Variants in C2CD5 observed in about 807,000 individuals in gnomAD.
C2CD5 encodes the protein C2 calcium dependent domain containing 5.
C2CD5 carries 109 observed loss-of-function variants against 130.3 expected under a neutral mutation model. The observed-to-expected ratio is 0.84, with a 90% CI of 0.72 to 0.98. C2CD5 has a LOEUF of 0.98. Ranked by LOEUF, C2CD5 falls within the 50% of genes least tolerant of loss-of-function variation. C2CD5 has a pLI of 0.00. For missense variants in C2CD5, 996 were observed against 1,261.8 expected (o/e 0.79, Z 3.19); for synonymous variants, 454 against 429.2 (o/e 1.06, Z -0.71).
chr12:22,493,234 T>C lies in C2CD5; in HGVS notation c.1251A>G (p.Ser417=), dbSNP rs1170050101. The C allele has an allele frequency of 4.4e-6, 7 of 1,576,924 alleles. No individual in the cohort carries two copies. Among genetic ancestry groups the C allele is most frequent in the African/African-American group, 2.7e-5 (2 of 74,142 alleles). Residue 417 remains serine, a synonymous_variant, in exon 11 of 27, where the codon TCA becomes TCG. Coordinates refer to ENST00000446597, the MANE Select transcript of C2CD5 (RefSeq NM_001286176.2). ...TTATTATCATTTACCAGATGCTAGTTGATTCACTGTAGCCCACTACAGCAT... is the reference window on the plus strand; with the variant it reads ...TTATTATCATTTACCAGATGCTAGTCGATTCACTGTAGCCCACTACAGCAT... ...GCHAVVGYSE[S]TSICEEVCIL...
At chr12:22,497,011 T>C (rs530738998) in intron 10 of C2CD5, among the ~76,000 whole-genome samples, 1 of 152,220 alleles carries the variant, frequency 6.6e-6, no homozygotes, top group South Asian at 2.1e-4. Flanking sequence ...GCAGTTTATA[T>C]ATCAGAAAAT....
At position 22,498,003 on chromosome 12, in the gene C2CD5, G is replaced by A. The variant is rs181913369; in HGVS notation, c.1148-4666C>T. Among the ~76,000 whole-genome samples, 36 of 150,892 alleles carry A rather than the reference G, an allele frequency of 2.4e-4. No homozygotes were observed. In the East Asian group the frequency reaches 6.8e-3, roughly 29 times the overall value. On this transcript the variant is annotated intron_variant, in intron 10 of 26. Coordinates refer to ENST00000446597, the MANE Select transcript of C2CD5 (RefSeq NM_001286176.2). ...TAATATAGAAAAGCTCACATATCAC[G>A]CATGCTGTATTTATGCCATCTTGCA...
In C2CD5 at chr12:22,479,368, C is replaced by G. The variant is rs1425932496; in HGVS notation, c.1738-891G>C. 2.0e-5 allele frequency among the ~76,000 whole-genome samples: 3 copies of G among 151,650 alleles called. No individual in the cohort carries two copies. The East Asian group carries it at 5.8e-4, about 29-fold the overall frequency. On this transcript the variant is annotated intron_variant, in intron 14 of 26. Transcript: ENST00000446597. ...GGATTACGGGCCTGAGTCACTGGGC[C>G]CGGACCTACCTCATAATTTAAAAAA...
At chr12:22,493,159 T>C in intron 11 of C2CD5, 64 bp downstream of exon 11, 3 of 899,230 alleles carry the variant, frequency 3.3e-6, no homozygotes, top group Non-Finnish European at 5.3e-6. Flanking sequence ...TGCATGAAGC[T>C]TTTCCCCTTT....
chr12:22,505,297 G>A (rs1302599404), intron 10 of C2CD5, among the ~76,000 whole-genome samples: 3 of 124,890 alleles, frequency 2.4e-5, no homozygotes, highest in Non-Finnish European at 4.7e-5. Context: ...CGCTCTTGTC[G>A]CCCAGGCTGG....
rs189766774 is a variant in C2CD5 at position 22,536,334 on chromosome 12, C to T, written c.91-990G>A. Among the ~76,000 whole-genome samples the T allele has an allele frequency of 6.6e-3, 997 of 152,186 alleles. 9 individuals are homozygous for T. The highest frequency in any genetic ancestry group is 0.023 in the African/African-American group (956 of 41,512). On this transcript the variant is annotated intron_variant, in intron 2 of 26. Transcript: ENST00000446597. ...GAATTTTGAACCATGCATAATACTA[C>T]CTATTTTAAATGCATTATTTTAAAA...
At chr12:22,505,642 T>C (rs1230231714) in intron 10 of C2CD5, among the ~76,000 whole-genome samples, 1 of 152,124 alleles carries the variant, frequency 6.6e-6, no homozygotes, top group Non-Finnish European at 1.5e-5. Flanking sequence ...AAGAACACAT[T>C]CCATATGGAA....
At chr12:22,465,332 C>T (rs1213685190) in intron 22 of C2CD5, among the ~76,000 whole-genome samples, 3 of 151,946 alleles carry the variant, frequency 2.0e-5, no homozygotes, top group Non-Finnish European at 4.4e-5. Context: ...CTTAATTAAA[C>T]CTTTTTAATT....
chr12:22,472,408 G>T, intron 17 of C2CD5, 61 bp from the exon 18 acceptor site: 4 of 909,242 alleles, frequency 4.4e-6, no homozygotes, highest in East Asian at 5.4e-5. Context: ...TGTGTTAAAT[G>T]ACATTTTTCA....
intron 26 of C2CD5, among the ~76,000 whole-genome samples, chr12:22,450,556 T>C (rs891994786): frequency 1.3e-5 from 2 of 152,120 alleles, no homozygotes; most frequent in Non-Finnish European, 2.9e-5. Context: ...TGCAAAATGA[T>C]ATATACAATA....
At position 22,540,053 on chromosome 12, in the gene C2CD5, A is replaced by C. The variant is rs138675509; in HGVS notation, c.90+4008T>G. On this transcript the variant is annotated intron_variant, in intron 2 of 26. Coordinates refer to ENST00000446597, the MANE Select transcript of C2CD5 (RefSeq NM_001286176.2). ...CTAGAACCTCAGTTTTACAGATAGAAGTATTACAATCGGGTTTCAATGTAC... is the reference window on the plus strand; with the variant it reads ...CTAGAACCTCAGTTTTACAGATAGACGTATTACAATCGGGTTTCAATGTAC... Among the ~76,000 whole-genome samples, 419 of 152,276 alleles carry C rather than the reference A, an allele frequency of 2.8e-3. 3 individuals are homozygous for C. The highest frequency in any genetic ancestry group is 1.0e-2 in the African/African-American group (414 of 41,566).
chr12:22,472,440 T>C, intron 17 of C2CD5, 93 bp from the exon 18 acceptor site: 1 of 700,816 alleles, frequency 1.4e-6, no homozygotes, highest in Non-Finnish European at 2.4e-6. Context: ...AAGTTCTAAC[T>C]ATAACACCCT....
chr12:22,449,891 C>A lies in C2CD5; in HGVS notation c.3025G>T (p.Ala1009Ser), dbSNP rs375711023. 4 of 1,603,102 alleles carry A rather than the reference C, an allele frequency of 2.5e-6. No individual in the cohort carries two copies. The highest frequency in any genetic ancestry group is 1.1e-5 in the South Asian group (1 of 90,122). Residue 1009 changes from alanine to serine, a missense_variant and splice_region_variant, in exon 27 of 27, where the codon GCA becomes TCA. Around this residue, in one of 9 missense-constraint regions of C2CD5, gnomAD observed 51 missense variants for 99.5 expected, o/e 0.51. Transcript: ENST00000446597. ...CCACTTACATTTATAAGACACTGTG[C>A]CTATAAGAACAACAAACAGGACAGG... Reference protein sequence around the residue: ...VFMENPNKNQAQCLINVSGDA... With the variant: ...VFMENPNKNQSQCLINVSGDA...
At chr12:22,544,031 G>C (rs374151175) in intron 2 of C2CD5, 30 bp downstream of exon 2, 14 of 1,536,896 alleles carry the variant, frequency 9.1e-6, no homozygotes, top group East Asian at 4.5e-5. Flanking sequence ...GGCGCTCCCT[G>C]TGTTTTGAGG....
intron 3 of C2CD5, among the ~76,000 whole-genome samples, chr12:22,533,993 CGGGCCAACA>C (rs1291487315): frequency 6.6e-6 from 1 of 152,134 alleles, no homozygotes; most frequent in African/African-American, 2.4e-5. Context: ...TGAGACCAGC[CGGGCCAACA>C]GGGCAAAACC....
intron 12 of C2CD5, among the ~76,000 whole-genome samples, 195 bp from the exon 13 acceptor site, chr12:22,485,083 T>A (rs1195004102): frequency 6.6e-6 from 1 of 152,132 alleles, no homozygotes; most frequent in Non-Finnish European, 1.5e-5. Context: ...ACATTTTTCC[T>A]ATGAGAGAAA....
chr12:22,450,335 A>G (rs1009554036), intron 26 of C2CD5, among the ~76,000 whole-genome samples: 1 of 152,138 alleles, frequency 6.6e-6, no homozygotes, highest in East Asian at 1.9e-4. Context: ...TGTGTTCCCT[A>G]GAGAAATCTT....
chr12:22,503,569 G>A (rs1437989085), intron 10 of C2CD5, among the ~76,000 whole-genome samples: 2 of 152,084 alleles, frequency 1.3e-5, no homozygotes, highest in Admixed American at 6.6e-5. Context: ...GGAGTGCAGT[G>A]GCATGATCTC....
chr12:22,465,194 T>C (rs1020892762), intron 22 of C2CD5, among the ~76,000 whole-genome samples: 3 of 151,934 alleles, frequency 2.0e-5, no homozygotes, highest in East Asian at 1.9e-4. Flanking sequence ...TGCCAGCCTA[T>C]AGCGTATGCC....
Sources: allele counts gnomAD v4.1 joint callset (sites outside exome capture counted in the v4.1 genomes callset), GRCh38; gene constraint gnomAD v4.1.1; regional missense constraint gnomAD v4.1.1; transcripts MANE v1.5; gene names NCBI Gene and HGNC (gene_info 2026-07-23, HGNC 2026-07-21).